PCSK5: variants seen among roughly 807,000 people sequenced by gnomAD.
PCSK5 encodes the protein prohormone convertase 5.
A neutral mutation model predicts 233.2 loss-of-function variants in PCSK5; 129 were observed. The ratio of observed to expected loss-of-function variants is 0.55; its 90% CI spans 0.48 to 0.64. The LOEUF (loss-of-function observed/expected upper bound fraction) is 0.64. Ranked by LOEUF, PCSK5 falls within the 30% of genes least tolerant of loss-of-function variation. The probability of loss-of-function intolerance (pLI) is 0.00; values close to 1 mark genes in which losing one functional copy is unlikely to be tolerated. For missense variants in PCSK5, 2,076 were observed against 2,430.1 expected (o/e 0.85, Z 3.06); for synonymous variants, 825 against 879.2 (o/e 0.94, Z 1.09).
At chr9:75,994,077 TTTTCAAAG>T (rs1246860506) in intron 3 of PCSK5, among the ~76,000 whole-genome samples, 1 of 152,070 alleles carries the variant, frequency 6.6e-6, no homozygotes, top group African/African-American at 2.4e-5. Flanking sequence ...GCACACAGGA[TTTTCAAAG>T]GCCACCAGTC....
At chr9:76,175,955 C>T (rs1259817469) in intron 14 of PCSK5, among the ~76,000 whole-genome samples, 1 of 151,794 alleles carries the variant, frequency 6.6e-6, no homozygotes, top group Non-Finnish European at 1.5e-5. Flanking sequence ...CACATTGTTT[C>T]GTCTTTGCTG....
intron 35 of PCSK5, among the ~76,000 whole-genome samples, chr9:76,345,933 T>G (rs891524523): frequency 1.3e-5 from 2 of 151,906 alleles, no homozygotes; most frequent in African/African-American, 4.8e-5. Context: ...TTGGCCAGGC[T>G]GGTCTCAAAT....
intron 25 of PCSK5, among the ~76,000 whole-genome samples, chr9:76,292,620 T>C (rs908761443): frequency 6.6e-6 from 1 of 152,230 alleles, no homozygotes; most frequent in African/African-American, 2.4e-5. Context: ...GCATGGATAC[T>C]GCGTCCTTAA....
chr9:76,355,957 A>G (rs940421010), intron 37 of PCSK5, among the ~76,000 whole-genome samples: 2 of 151,870 alleles, frequency 1.3e-5, no homozygotes, highest in Non-Finnish European at 2.9e-5. Context: ...GCCCACCTCA[A>G]CCTCCCAAAG....
At chr9:76,282,064 CT>C (rs570775997) in intron 24 of PCSK5, among the ~76,000 whole-genome samples, 3,237 of 83,052 alleles carry the variant, frequency 0.039, 75 homozygotes, top group Admixed American at 0.094. Context: ...TTTTTTCTTT[CT>C]TTTTTTTTTT....
intron 7 of PCSK5, among the ~76,000 whole-genome samples, chr9:76,075,239 T>C (rs1236780988): frequency 1.3e-5 from 2 of 151,608 alleles, no homozygotes; most frequent in African/African-American, 4.8e-5. Flanking sequence ...ATAATAATAA[T>C]AATAATAATA....
chr9:76,034,959 A>C (rs7849355), intron 5 of PCSK5, among the ~76,000 whole-genome samples: 52,524 of 151,970 alleles, frequency 0.35, 10,532 homozygotes, highest in African/African-American at 0.56. Context: ...TTTGTGCTAG[A>C]TATCTTTTTT....
At chr9:76,150,408 C>T (rs1328599657) in intron 10 of PCSK5, among the ~76,000 whole-genome samples, 1 of 152,114 alleles carries the variant, frequency 6.6e-6, no homozygotes, top group Non-Finnish European at 1.5e-5. Context: ...CTGACACGGG[C>T]GGATCACCTG....
Position 76,310,751 on chromosome 9 carries a change from T to C in PCSK5, c.3784T>C (p.Cys1262Arg). 6.2e-7 allele frequency: 1 copy of C among 1,612,382 alleles called. No homozygotes were observed. The highest frequency in any genetic ancestry group is 8.5e-7 in the Non-Finnish European group (1 of 1,179,582). The change falls in exon 30 of 38, where the codon TGT (cysteine) becomes CGT (arginine). Residue 1262 changes from cysteine to arginine, a missense_variant. Physicochemically the swap from Cys to Arg is radical, Grantham distance 180 (BLOSUM62 -3). Coordinates refer to ENST00000674117, the MANE Select transcript of PCSK5 (RefSeq NM_001372043.1). ...GAGCTGCGAGAACTGTACGGAGGCC[T>C]GTGCCATCTGCTCTGGAGCCGATCT... ...SGSCENCTEA[C>R]AICSGADLCK...
At chr9:76,010,751 A>G (rs1198827414) in intron 3 of PCSK5, among the ~76,000 whole-genome samples, 2 of 152,244 alleles carry the variant, frequency 1.3e-5, no homozygotes. Flanking sequence ...CTAATTAGAT[A>G]GAAAAGACAA....
chr9:75,901,771 A>G (rs1826045726), intron 1 of PCSK5, among the ~76,000 whole-genome samples: 1 of 152,216 alleles, frequency 6.6e-6, no homozygotes, highest in African/African-American at 2.4e-5. Flanking sequence ...CTATATAAAA[A>G]TGTACCAAAT....
intron 1 of PCSK5, among the ~76,000 whole-genome samples, chr9:75,895,519 C>G (rs1825766412): frequency 6.6e-6 from 1 of 152,090 alleles, no homozygotes; most frequent in Non-Finnish European, 1.5e-5. Flanking sequence ...ATGATTTTCC[C>G]TTTCAGTGAG....
chr9:76,110,648 A>G (rs1832172591), intron 9 of PCSK5, among the ~76,000 whole-genome samples: 1 of 152,024 alleles, frequency 6.6e-6, no homozygotes, highest in African/African-American at 2.4e-5. Flanking sequence ...GTGAGCTATG[A>G]TCACACCATT....
chr9:76,048,007 T>C (rs943520850), intron 5 of PCSK5, among the ~76,000 whole-genome samples: 2 of 152,190 alleles, frequency 1.3e-5, no homozygotes, highest in Middle Eastern at 3.2e-3. Flanking sequence ...ATCATTTTAT[T>C]GACAAATCAT....
intron 1 of PCSK5, among the ~76,000 whole-genome samples, chr9:75,920,140 A>G (rs554755544): frequency 4.3e-4 from 66 of 152,344 alleles, no homozygotes; most frequent in African/African-American, 1.6e-3. Context: ...CCTGAGAGAC[A>G]GAGTGAGACT....
intron 2 of PCSK5, among the ~76,000 whole-genome samples, chr9:75,958,822 G>A (rs760316989): frequency 5.9e-5 from 9 of 152,272 alleles, no homozygotes; most frequent in Middle Eastern, 3.4e-3. Context: ...AGGTTAATTC[G>A]TGCAAAAAGC....
chr9:76,047,913 ATAT>A (rs1829480384), intron 5 of PCSK5, among the ~76,000 whole-genome samples: 1 of 152,216 alleles, frequency 6.6e-6, no homozygotes, highest in African/African-American at 2.4e-5. Flanking sequence ...GTTTTCTGTA[ATAT>A]TATAAAATTT....
At chr9:75,982,075 C>A (rs954829870) in intron 2 of PCSK5, among the ~76,000 whole-genome samples, 3 of 152,140 alleles carry the variant, frequency 2.0e-5, no homozygotes, top group African/African-American at 7.2e-5. Flanking sequence ...AATATAGTAT[C>A]CCTTTAAACC....
chr9:76,130,130 G>T (rs1385183331), intron 9 of PCSK5, among the ~76,000 whole-genome samples: 1 of 152,074 alleles, frequency 6.6e-6, no homozygotes, highest in African/African-American at 2.4e-5. Flanking sequence ...TTTTCCTGGT[G>T]TGTTATTTTT....
Sources: gnomAD v4.1 joint callset for allele counts (sites outside exome capture counted in the v4.1 genomes callset) on GRCh38, gnomAD v4.1.1 for gene constraint, MANE v1.5 for transcripts, NCBI Gene and HGNC (gene_info 2026-07-23, HGNC 2026-07-21) for gene names.